Variants in DIS3L2 observed in about 807,000 individuals in gnomAD.
DIS3L2 encodes the protein DIS3 like 3'-5' exoribonuclease 2.
DIS3L2 carries 34 observed loss-of-function variants against 97.5 expected under a neutral mutation model. That is an observed-to-expected ratio of 0.35 (90% CI 0.27 to 0.46). The LOEUF is 0.46. Ranked by LOEUF, DIS3L2 falls within the 20% of genes least tolerant of loss-of-function variation. DIS3L2 has a pLI of 1.00. For missense variants in DIS3L2, 1,038 were observed against 1,146.0 expected, an observed-to-expected ratio of 0.91 and a Z score of 1.36; for synonymous variants, 435 against 445.2, an observed-to-expected ratio of 0.98 and a Z score of 0.29.
At chr2:232,055,779 A>G (rs1695531059) in intron 5 of DIS3L2, among the ~76,000 whole-genome samples, 2 of 152,204 alleles carry the variant, frequency 1.3e-5, no homozygotes, top group South Asian at 4.1e-4. Flanking sequence ...AGAGACACAT[A>G]AGCTAGTGAA....
At chr2:232,207,632 T>A (rs1194418191) in intron 9 of DIS3L2, among the ~76,000 whole-genome samples, 2 of 152,204 alleles carry the variant, frequency 1.3e-5, no homozygotes, top group East Asian at 3.8e-4. Flanking sequence ...TCCTGATTAA[T>A]CACCCTTTCT....
intron 11 of DIS3L2, among the ~76,000 whole-genome samples, chr2:232,243,628 T>C (rs1693167001): frequency 6.6e-6 from 1 of 152,210 alleles, no homozygotes. Flanking sequence ...ACAATAGATG[T>C]CTTCAGCCTA....
At chr2:232,331,226 G>GT (rs1695727068) in intron 16 of DIS3L2, among the ~76,000 whole-genome samples, 1 of 152,254 alleles carries the variant, frequency 6.6e-6, no homozygotes, top group South Asian at 2.1e-4. Flanking sequence ...GGGCCTGCAG[G>GT]GAGGTGGCAG....
At chr2:232,028,535 T>C (rs1416678583) in intron 4 of DIS3L2, among the ~76,000 whole-genome samples, 1 of 152,142 alleles carries the variant, frequency 6.6e-6, no homozygotes, top group Non-Finnish European at 1.5e-5. Flanking sequence ...TATCATCCCA[T>C]CAATCTGAAA....
rs137910433 is a variant in DIS3L2, at chr2:232,057,821, A to G, written c.366+27741A>G. ...TTTGTGTCGCATAGAAAACTGACATACTAGTGAGACTCTGTTTCCTCATCT... is the reference window on the plus strand; with the variant it reads ...TTTGTGTCGCATAGAAAACTGACATGCTAGTGAGACTCTGTTTCCTCATCT... On this transcript the variant is annotated intron_variant, in intron 5 of 20. Coordinates refer to ENST00000325385, the MANE Select transcript of DIS3L2 (RefSeq NM_152383.5). Among the ~76,000 whole-genome samples the G allele has an allele frequency of 2.6e-5, 4 of 152,292 alleles. No homozygotes were observed. In the East Asian group the frequency reaches 7.7e-4, roughly 29 times the overall value.
intron 10 of DIS3L2, among the ~76,000 whole-genome samples, chr2:232,212,460 G>A (rs1692218478): frequency 6.6e-6 from 1 of 152,184 alleles, no homozygotes; most frequent in Non-Finnish European, 1.5e-5. Flanking sequence ...GGTCTCCAGG[G>A]AGCAGGCACA....
chr2:231,983,440 G>A (rs1217890489), intron 1 of DIS3L2, among the ~76,000 whole-genome samples: 1 of 152,174 alleles, frequency 6.6e-6, no homozygotes, highest in Non-Finnish European at 1.5e-5. Flanking sequence ...TAGGAACTGG[G>A]CCACAACAGC....
chr2:232,094,119 A>G (rs141209949), intron 6 of DIS3L2, among the ~76,000 whole-genome samples: 2 of 152,112 alleles, frequency 1.3e-5, no homozygotes, highest in African/African-American at 4.8e-5. Context: ...ATGTATTTGT[A>G]TAGTTTCCAA....
intron 4 of DIS3L2, 105 bp from the exon 5 acceptor site, chr2:232,029,873 TA>T: frequency 1.3e-6 from 1 of 787,442 alleles, no homozygotes; most frequent in Non-Finnish European, 2.1e-6. Context: ...AAGGATAACC[TA>T]AGAATAACTT....
intron 6 of DIS3L2, among the ~76,000 whole-genome samples, chr2:232,112,337 A>G (rs1697562544): frequency 6.6e-6 from 1 of 152,190 alleles, no homozygotes; most frequent in South Asian, 2.1e-4. Flanking sequence ...ACAACTTTAA[A>G]AATAGGGGCC....
chr2:232,228,370 C>G (rs1040569043), intron 10 of DIS3L2, among the ~76,000 whole-genome samples: 1 of 152,198 alleles, frequency 6.6e-6, no homozygotes, highest in Non-Finnish European at 1.5e-5. Context: ...ATTCCACACA[C>G]GCATTCCCTG....
intron 14 of DIS3L2, among the ~76,000 whole-genome samples, chr2:232,304,710 G>A (rs952033590): frequency 6.6e-6 from 1 of 152,302 alleles, no homozygotes; most frequent in African/African-American, 2.4e-5. Context: ...CAGCCTGAGT[G>A]AGTGTGTGTG....
intron 1 of DIS3L2, among the ~76,000 whole-genome samples, chr2:231,984,044 C>T (rs939431463): frequency 1.3e-5 from 2 of 151,828 alleles, no homozygotes; most frequent in Middle Eastern, 3.4e-3. Context: ...ATACTTTTTG[C>T]GTATTGGATT....
intron 1 of DIS3L2, among the ~76,000 whole-genome samples, chr2:231,982,415 G>A (rs1443358881): frequency 6.6e-6 from 1 of 152,020 alleles, no homozygotes; most frequent in African/African-American, 2.4e-5. Context: ...TGTTTATGAT[G>A]TATTATATAT....
intron 5 of DIS3L2, among the ~76,000 whole-genome samples, chr2:232,086,659 A>ATATATATGTATATATATATGTGTGTG (rs1553606035): frequency 4.3e-5 from 4 of 92,510 alleles, no homozygotes; most frequent in African/African-American, 1.8e-4. Flanking sequence ...ATATATATAT[A>ATATATATGTATATATATATGTGTGTG]TGTGTGTGTG....
At chr2:232,340,991 T>C (rs1696090979), downstream of DIS3L2, 5 of 465,600 alleles carry the variant, frequency 1.1e-5, no homozygotes, top group Non-Finnish European at 2.2e-5. Context: ...GAGAAAGCCA[T>C]CGTGAAACGA....
chr2:232,072,783 GGTGTGT>G (rs56884799), intron 5 of DIS3L2, among the ~76,000 whole-genome samples: 4 of 139,810 alleles, frequency 2.9e-5, no homozygotes, highest in African/African-American at 5.6e-5. Context: ...TGGGATGTGG[GGTGTGT>G]GTGTGTGTGT....
chr2:232,322,287 ACTGAGCTCC>A (rs1695458834), intron 14 of DIS3L2, among the ~76,000 whole-genome samples: 1 of 152,204 alleles, frequency 6.6e-6, no homozygotes, highest in Non-Finnish European at 1.5e-5. Context: ...CTTCGAGCTC[ACTGAGCTCC>A]CTGTGCTCCT....
chr2:232,165,345 A>T (rs976406816), intron 9 of DIS3L2, among the ~76,000 whole-genome samples: 2 of 152,232 alleles, frequency 1.3e-5, no homozygotes, highest in Admixed American at 6.5e-5. Context: ...CTACATAAAT[A>T]TACACATATA....
Sources: allele counts gnomAD v4.1 joint callset (sites outside exome capture counted in the v4.1 genomes callset), GRCh38; gene constraint gnomAD v4.1.1; transcripts MANE v1.5; gene names NCBI Gene and HGNC (gene_info 2026-07-23, HGNC 2026-07-21).